The following SMYD3 variants were observed in gnomAD, a reference collection of about 807,000 sequenced individuals.
SMYD3 encodes SET and MYND domain containing 3, also known as histone-lysine N-methyltransferase SMYD3.
In SMYD3, 36 loss-of-function variants were observed where a neutral mutation model predicts 57.7. The ratio of observed to expected loss-of-function variants is 0.62; its 90% confidence interval spans 0.48 to 0.82. The LOEUF (loss-of-function observed/expected upper bound fraction) is 0.82. SMYD3 is among the 40% of genes least tolerant of loss of function. The pLI, the probability that SMYD3 is intolerant of heterozygous loss-of-function variation, is 0.00. For missense variants in SMYD3, 515 were observed against 538.8 expected (o/e 0.96, Z 0.44); for synonymous variants, 211 against 195.0 (o/e 1.08, Z -0.68).
At chr1:246,061,937 G>A (rs1404921168) in intron 5 of SMYD3, among the ~76,000 whole-genome samples, 1 of 151,886 alleles carries the variant, frequency 6.6e-6, no homozygotes, top group African/African-American at 2.4e-5. Context: ...CTTCATGGAG[G>A]GAAAAAAGGC....
chr1:246,400,104 C>CAGAT (rs1240623197), intron 1 of SMYD3, among the ~76,000 whole-genome samples: 2 of 152,288 alleles, frequency 1.3e-5, no homozygotes, highest in South Asian at 2.1e-4. Context: ...TTATATATTT[C>CAGAT]AGATATATAA....
At chr1:246,044,133 A>C (rs2148303023) in intron 5 of SMYD3, among the ~76,000 whole-genome samples, 1 of 152,288 alleles carries the variant, frequency 6.6e-6, no homozygotes, top group Non-Finnish European at 1.5e-5. Context: ...TTTTCTTCTA[A>C]TTCAACAGTT....
chr1:245,969,547 C>G (rs557979332), intron 5 of SMYD3, among the ~76,000 whole-genome samples: 2 of 152,150 alleles, frequency 1.3e-5, no homozygotes, highest in Non-Finnish European at 2.9e-5. Flanking sequence ...GAAACATACC[C>G]GTTCATTTAC....
At chr1:245,795,687 C>T (rs568734904) in intron 10 of SMYD3, among the ~76,000 whole-genome samples, 77 of 152,292 alleles carry the variant, frequency 5.1e-4, no homozygotes, top group African/African-American at 1.8e-3. Flanking sequence ...CGGGCCCATG[C>T]GCTCCAGTCA....
At chr1:246,302,361 A>G (rs1341589529) in intron 5 of SMYD3, among the ~76,000 whole-genome samples, 1 of 152,152 alleles carries the variant, frequency 6.6e-6, no homozygotes, top group Non-Finnish European at 1.5e-5. Context: ...TTTCAGTCAT[A>G]GCCAACAAAT....
At chr1:246,479,076 T>C (rs536319573) in intron 1 of SMYD3, among the ~76,000 whole-genome samples, 49 of 151,572 alleles carry the variant, frequency 3.2e-4, no homozygotes, top group African/African-American at 1.2e-3. Flanking sequence ...TCCTCTGTCC[T>C]GGAGCTGGTA....
At chr1:245,816,305 G>C (rs2048798396) in intron 10 of SMYD3, among the ~76,000 whole-genome samples, 1 of 151,854 alleles carries the variant, frequency 6.6e-6, no homozygotes, top group Admixed American at 6.6e-5. Context: ...GGTGGCTAGG[G>C]GGTGGACAGT....
At chr1:246,063,619 TTCCCTTCCTCCCTCTCTCCC>T in intron 5 of SMYD3, among the ~76,000 whole-genome samples, 1 of 125,726 alleles carries the variant, frequency 8.0e-6, no homozygotes, top group Non-Finnish European at 1.6e-5. Context: ...CTCCCTCTCC[TTCCCTTCCTCCCTCTCTCCC>T]TCCCTTTCTC....
chr1:245,973,495 T>A (rs79437013), intron 5 of SMYD3, among the ~76,000 whole-genome samples: 1 of 152,046 alleles, frequency 6.6e-6, no homozygotes, highest in Non-Finnish European at 1.5e-5. Flanking sequence ...AGGAGTTTTA[T>A]CACAAAAAAA....
At chr1:246,114,039 T>G (rs1404125436) in intron 5 of SMYD3, among the ~76,000 whole-genome samples, 1 of 152,066 alleles carries the variant, frequency 6.6e-6, no homozygotes, top group African/African-American at 2.4e-5. Flanking sequence ...GCTGTGCAGT[T>G]TTTCATAGTG....
At chr1:246,309,238 T>C (rs1182676754) in intron 5 of SMYD3, among the ~76,000 whole-genome samples, 3 of 152,206 alleles carry the variant, frequency 2.0e-5, no homozygotes, top group African/African-American at 7.2e-5. Context: ...GCTACAATTC[T>C]AGCAAAACAA....
intron 5 of SMYD3, among the ~76,000 whole-genome samples, chr1:245,933,769 G>T (rs1288122984): frequency 6.6e-6 from 1 of 152,094 alleles, no homozygotes; most frequent in Non-Finnish European, 1.5e-5. Flanking sequence ...AAATTCTTAG[G>T]ACTAAAGGCT....
chr1:246,442,918 G>A (rs375488316), intron 1 of SMYD3, among the ~76,000 whole-genome samples: 1 of 152,066 alleles, frequency 6.6e-6, no homozygotes, highest in East Asian at 1.9e-4. Flanking sequence ...CCACCTCAGG[G>A]CATCTTATCT....
Position 246,075,494 on chromosome 1 carries a change from C to T in SMYD3, c.532-145557G>A, listed in dbSNP as rs528430366. On this transcript the variant is annotated intron_variant, in intron 5 of 11. Coordinates refer to ENST00000490107, the MANE Select transcript of SMYD3 (RefSeq NM_001167740.2). Reference sequence around the variant, plus strand: ...AGAAGAGAAGCTGCCAATCTAGAATCCTCTATCCAGCAAAAAATTGTCTGC... The same window carrying T: ...AGAAGAGAAGCTGCCAATCTAGAATTCTCTATCCAGCAAAAAATTGTCTGC... Among the ~76,000 whole-genome samples, 5 of 152,216 alleles carry T rather than the reference C, an allele frequency of 3.3e-5. No individual in the cohort carries two copies. In the East Asian group the frequency reaches 7.7e-4, roughly 23 times the overall value.
At chr1:246,366,666 A>T (rs1204581018) in intron 1 of SMYD3, among the ~76,000 whole-genome samples, 1 of 151,958 alleles carries the variant, frequency 6.6e-6, no homozygotes, top group Non-Finnish European at 1.5e-5. Flanking sequence ...AAAATTGGCC[A>T]GGCACGGTAG....
At chr1:245,994,375 G>C (rs571504030) in intron 5 of SMYD3, among the ~76,000 whole-genome samples, 4 of 152,310 alleles carry the variant, frequency 2.6e-5, no homozygotes, top group Non-Finnish European at 5.9e-5. Context: ...CAGCTGAGAG[G>C]GACGCGGGGC....
In SMYD3 at chr1:245,960,306, G is replaced by A. The variant is rs544492805; in HGVS notation, c.532-30369C>T. Among the ~76,000 whole-genome samples the A allele has an allele frequency of 1.2e-3, 185 of 152,296 alleles. 1 individual carries two copies. The highest frequency in any genetic ancestry group is 1.9e-3 in the Non-Finnish European group (131 of 68,020). ...CCTTGTTGTAAGGTTGACTCCACAG[G>A]AAAAGACTGATTCACATGGCTTTGT... On this transcript the variant is annotated intron_variant, in intron 5 of 11. Coordinates refer to ENST00000490107, the MANE Select transcript of SMYD3 (RefSeq NM_001167740.2).
At chr1:246,477,705 C>T (rs12567702) in intron 1 of SMYD3, among the ~76,000 whole-genome samples, 1 of 152,324 alleles carries the variant, frequency 6.6e-6, no homozygotes, top group Middle Eastern at 3.4e-3. Flanking sequence ...ATTGAATCAC[C>T]TAGTAACTGG....
chr1:246,119,016 T>C (rs796750687), intron 5 of SMYD3, among the ~76,000 whole-genome samples: 1 of 145,374 alleles, frequency 6.9e-6, no homozygotes, highest in South Asian at 2.2e-4. Context: ...TTTATTTTTA[T>C]TTTTAATTTT....
Sources: allele counts gnomAD v4.1 joint callset (sites outside exome capture counted in the v4.1 genomes callset), GRCh38; gene constraint gnomAD v4.1.1; transcripts MANE v1.5; gene names NCBI Gene and HGNC (gene_info 2026-07-23, HGNC 2026-07-21).